Variants in MEMO1 observed in about 807,000 individuals in gnomAD.
MEMO1 encodes the protein protein MEMO1.
Under a neutral mutation model 45.2 loss-of-function variants are expected in MEMO1, and 6 were observed. The ratio of observed to expected loss-of-function variants is 0.13; its 90% CI spans 0.07 to 0.26. The LOEUF is 0.26. Among genes scored for constraint, MEMO1 ranks in the 10% least tolerant of loss-of-function variants. The pLI, the probability that MEMO1 is intolerant of heterozygous loss-of-function variation, is 1.00. For missense variants in MEMO1, 184 were observed against 370.5 expected (o/e 0.50, Z 4.13); for synonymous variants, 78 against 124.3 (o/e 0.63, Z 2.48).
chr2:32,010,141 G>C, intron 2 of MEMO1, 46 bp downstream of exon 2: 2 of 1,114,376 alleles, frequency 1.8e-6, no homozygotes, highest in Non-Finnish European at 2.3e-6. Flanking sequence ...CGGGCGTGGG[G>C]CCAGGCGGCG....
chr2:31,941,997 C>T (rs1665671076), intron 3 of MEMO1, among the ~76,000 whole-genome samples: 5 of 152,134 alleles, frequency 3.3e-5, no homozygotes, highest in Admixed American at 3.3e-4. Context: ...CAATAGAAGT[C>T]ACAAACAACA....
At chr2:31,871,270 GTGTTTT>G (rs1673686373) in intron 8 of MEMO1, among the ~76,000 whole-genome samples, 2 of 152,056 alleles carry the variant, frequency 1.3e-5, no homozygotes, top group African/African-American at 2.4e-5. Context: ...TGGTTATTCT[GTGTTTT>G]TGTTTTTGTT....
rs1157447157 is a variant in MEMO1, at chr2:31,868,029, G to A, written c.*332C>T. On this transcript the variant is annotated 3_prime_UTR_variant, in exon 10 of 10. Transcript: ENST00000404530. ...CTGAAAGCGGAATATATGTGCACAAGTCTGCAAAGAGTGCAAATTTAGGAT... is the reference window on the plus strand; with the variant it reads ...CTGAAAGCGGAATATATGTGCACAAATCTGCAAAGAGTGCAAATTTAGGAT... 6.0e-6 allele frequency: 1 copy of A among 166,506 alleles called. No homozygotes were observed. Among genetic ancestry groups the A allele is most frequent in the African/African-American group, 2.4e-5 (1 of 42,054 alleles). The allele number at this position is 166,506 out of a possible 1,614,324, so 10.3% of individuals were successfully genotyped here. A position where few individuals can be genotyped will look rare whatever the true frequency, so the allele number is the denominator to read the frequency against.
At chr2:31,935,290 T>C (rs192014729) in intron 3 of MEMO1, among the ~76,000 whole-genome samples, 2 of 152,256 alleles carry the variant, frequency 1.3e-5, no homozygotes, top group East Asian at 1.9e-4. Flanking sequence ...GTCTGTGGCA[T>C]AGGAAAAGCA....
chr2:31,942,603 T>C (rs1665743455), intron 3 of MEMO1, among the ~76,000 whole-genome samples: 1 of 151,992 alleles, frequency 6.6e-6, no homozygotes, highest in Non-Finnish European at 1.5e-5. Context: ...CCTCCCAAGC[T>C]TAAGCGACCC....
chr2:31,947,203 G>A (rs181504602), intron 2 of MEMO1, among the ~76,000 whole-genome samples: 236 of 152,226 alleles, frequency 1.6e-3, no homozygotes, highest in Non-Finnish European at 2.3e-3. Flanking sequence ...AAATATACCT[G>A]AATTCATCCA....
chr2:32,008,474 C>T (rs1322931664), intron 2 of MEMO1, among the ~76,000 whole-genome samples: 1 of 152,180 alleles, frequency 6.6e-6, no homozygotes, highest in East Asian at 1.9e-4. Flanking sequence ...ATCTCAGCTA[C>T]TCAGGAGGCT....
chr2:31,985,084 A>G (rs1458820883), intron 2 of MEMO1, among the ~76,000 whole-genome samples: 1 of 152,200 alleles, frequency 6.6e-6, no homozygotes, highest in Non-Finnish European at 1.5e-5. Flanking sequence ...TAGTACAGAA[A>G]TCTGAGGTCA....
intron 2 of MEMO1, among the ~76,000 whole-genome samples, chr2:31,987,528 T>C (rs1224812362): frequency 1.3e-5 from 2 of 152,230 alleles, no homozygotes; most frequent in Non-Finnish European, 2.9e-5. Flanking sequence ...TAAGGCTAAA[T>C]TTGTCATCAT....
At chr2:31,926,282 G>C (rs1683096403) in intron 4 of MEMO1, among the ~76,000 whole-genome samples, 1 of 151,470 alleles carries the variant, frequency 6.6e-6, no homozygotes, top group African/African-American at 2.4e-5. Context: ...TGGAATAGGA[G>C]GATCACTTGA....
At chr2:31,884,945 AT>A (rs946123955) in intron 7 of MEMO1, among the ~76,000 whole-genome samples, 1 of 151,384 alleles carries the variant, frequency 6.6e-6, no homozygotes, top group African/African-American at 2.4e-5. Flanking sequence ...TAAAAAAAAA[AT>A]TCTTAAAACA....
intron 2 of MEMO1, among the ~76,000 whole-genome samples, chr2:31,974,203 T>G (rs1376248594): frequency 6.7e-6 from 1 of 149,630 alleles, no homozygotes; most frequent in Non-Finnish European, 1.5e-5. Context: ...TTATTCACCA[T>G]GTTTTTGCCT....
chr2:32,001,131 C>G (rs926161614), intron 2 of MEMO1, among the ~76,000 whole-genome samples: 1 of 151,190 alleles, frequency 6.6e-6, no homozygotes, highest in African/African-American at 2.4e-5. Context: ...CGCCGCCTCC[C>G]GGGTTCATGC....
chr2:31,930,811 A>ATTTTTTTTTTTTTTTTT (rs376524077), intron 4 of MEMO1, among the ~76,000 whole-genome samples: 5 of 126,096 alleles, frequency 4.0e-5, no homozygotes, highest in African/African-American at 9.4e-5. Flanking sequence ...ACGCCTGGCA[A>ATTTTTTTTTTTTTTTTT]TTTTTTTTTT....
chr2:32,008,688 T>G (rs1674410523), intron 2 of MEMO1, among the ~76,000 whole-genome samples: 1 of 152,214 alleles, frequency 6.6e-6, no homozygotes, highest in African/African-American at 2.4e-5. Context: ...GTTTATGAAG[T>G]ACTTTAGGAC....
intron 2 of MEMO1, among the ~76,000 whole-genome samples, chr2:31,989,290 G>C (rs1338409308): frequency 6.6e-6 from 1 of 151,076 alleles, no homozygotes. Context: ...ATCAGGGAAA[G>C]TAACCAACAA....
At chr2:31,969,596 T>TGG (rs1669114310) in intron 2 of MEMO1, among the ~76,000 whole-genome samples, 1 of 139,392 alleles carries the variant, frequency 7.2e-6, no homozygotes, top group South Asian at 2.3e-4. Context: ...GGTGTGTGTG[T>TGG]GTGTGTGTGT....
intron 8 of MEMO1, among the ~76,000 whole-genome samples, chr2:31,876,966 C>T (rs529402340): frequency 1.1e-4 from 17 of 152,334 alleles, no homozygotes; most frequent in African/African-American, 4.1e-4. Flanking sequence ...CTTCCAGCCT[C>T]CTTCCAACCC....
chr2:31,944,542 C>T (rs1665977791), intron 2 of MEMO1, among the ~76,000 whole-genome samples: 1 of 152,176 alleles, frequency 6.6e-6, no homozygotes, highest in Admixed American at 6.5e-5. Context: ...TCTGCTTTCC[C>T]TCGTATTTCA....
Sources: allele counts gnomAD v4.1 joint callset (sites outside exome capture counted in the v4.1 genomes callset), GRCh38; gene constraint gnomAD v4.1.1; transcripts MANE v1.5; gene names NCBI Gene and HGNC (gene_info 2026-07-23, HGNC 2026-07-21).